The following RFC3 variants were observed in gnomAD, a reference collection of about 807,000 sequenced individuals.
RFC3 encodes replication factor C subunit 3, also known as A1 38 kDa subunit.
A neutral mutation model predicts 45.1 loss-of-function variants in RFC3; 41 were observed. That is an observed-to-expected ratio of 0.91 (90% confidence interval 0.71 to 1.18). RFC3 has a LOEUF of 1.18. Ranked by LOEUF, RFC3 falls within the 50% of genes most tolerant of loss-of-function variation. The pLI, the probability that RFC3 is intolerant of heterozygous loss-of-function variation, is 0.00. For synonymous variants in RFC3, 149 were observed against 144.0 expected (o/e 1.03, Z -0.25); for missense variants, 423 against 428.1 (o/e 0.99, Z 0.10).
chr13:33,954,531 T>C (rs9598378), intron 8 of RFC3, among the ~76,000 whole-genome samples: 2,333 of 152,324 alleles, frequency 0.015, 69 homozygotes, highest in African/African-American at 0.054. Flanking sequence ...TCATGAAGCC[T>C]GTCTTAGTTC....
At chr13:33,892,192 G>C (rs1182448142) in intron 8 of RFC3, among the ~76,000 whole-genome samples, 1 of 152,124 alleles carries the variant, frequency 6.6e-6, no homozygotes, top group Admixed American at 6.5e-5. Context: ...GAAATTTGCT[G>C]TTCCTTAGGG....
intron 8 of RFC3, among the ~76,000 whole-genome samples, chr13:33,857,169 T>C (rs2082313358): frequency 6.6e-6 from 1 of 152,226 alleles, no homozygotes; most frequent in Admixed American, 6.5e-5. Flanking sequence ...AAGGAAATTG[T>C]CTTCAAATAA....
At chr13:33,921,027 A>G (rs2082765496) in intron 8 of RFC3, among the ~76,000 whole-genome samples, 1 of 152,128 alleles carries the variant, frequency 6.6e-6, no homozygotes. Context: ...CATCCCCCAT[A>G]GATTAAACAA....
chr13:33,868,060 CCTT>C (rs1445371456), intron 8 of RFC3, among the ~76,000 whole-genome samples: 3 of 152,164 alleles, frequency 2.0e-5, no homozygotes, highest in African/African-American at 7.2e-5. Flanking sequence ...CTTAGGGTTG[CCTT>C]CCTTTGCTGG....
chr13:33,895,098 A>G (rs1280327159), intron 8 of RFC3, among the ~76,000 whole-genome samples: 10 of 152,102 alleles, frequency 6.6e-5, no homozygotes, highest in East Asian at 1.9e-4. Context: ...GCCTAGGCAA[A>G]TGATTCATGA....
downstream of RFC3, among the ~76,000 whole-genome samples, chr13:33,840,115 C>T (rs902668134): frequency 5.9e-5 from 9 of 152,240 alleles, no homozygotes; most frequent in East Asian, 3.9e-4. Flanking sequence ...TCTTGCTTTA[C>T]ACTACTTTGG....
At chr13:33,910,689 G>A (rs2082698699) in intron 8 of RFC3, among the ~76,000 whole-genome samples, 1 of 152,028 alleles carries the variant, frequency 6.6e-6, no homozygotes, top group Admixed American at 6.6e-5. Flanking sequence ...CTCGAGGTAG[G>A]TGTATTAGTC....
intron 8 of RFC3, among the ~76,000 whole-genome samples, chr13:33,891,176 A>T (rs903097199): frequency 3.3e-5 from 5 of 152,214 alleles, no homozygotes; most frequent in Non-Finnish European, 5.9e-5. Context: ...TGCTAAGTCT[A>T]ATATTAAATA....
intron 8 of RFC3, among the ~76,000 whole-genome samples, chr13:33,893,699 A>G (rs1346470897): frequency 2.0e-5 from 3 of 152,076 alleles, no homozygotes; most frequent in Admixed American, 2.0e-4. Flanking sequence ...TAAAAAAGAA[A>G]CAAAAATTTT....
At chr13:33,966,598 C>T (rs954193334), downstream of RFC3, 9 of 160,464 alleles carry the variant, frequency 5.6e-5, no homozygotes, top group East Asian at 1.8e-4. Context: ...TTTTTCTATG[C>T]ACATTGGTTT....
At chr13:33,930,998 G>A (rs2082848475) in intron 8 of RFC3, among the ~76,000 whole-genome samples, 1 of 151,802 alleles carries the variant, frequency 6.6e-6, no homozygotes, top group Non-Finnish European at 1.5e-5. Flanking sequence ...TTTTTTTAGT[G>A]ACAGCTTATG....
chr13:33,853,587 G>A (rs1220014735), intron 8 of RFC3, among the ~76,000 whole-genome samples: 2 of 152,158 alleles, frequency 1.3e-5, no homozygotes, highest in Admixed American at 1.3e-4. Flanking sequence ...AGGATACGCT[G>A]GAGGAAGAGA....
At chr13:33,834,642 C>A (rs974842067) in intron 7 of RFC3, among the ~76,000 whole-genome samples, 1 of 151,804 alleles carries the variant, frequency 6.6e-6, no homozygotes, top group South Asian at 2.1e-4. Context: ...ATATTTCATG[C>A]GTATATTATC....
At chr13:33,853,048 CAG>C (rs1466781791) in intron 8 of RFC3, among the ~76,000 whole-genome samples, 1 of 152,178 alleles carries the variant, frequency 6.6e-6, no homozygotes, top group Admixed American at 6.6e-5. Flanking sequence ...GCATGTATAA[CAG>C]AGCACTAGAG....
chr13:33,949,242 C>T (rs2082973816), intron 8 of RFC3, among the ~76,000 whole-genome samples: 1 of 152,110 alleles, frequency 6.6e-6, no homozygotes, highest in African/African-American at 2.4e-5. Context: ...CCCCCACTTG[C>T]ACTCATTCTC....
At chr13:33,951,865 G>C (rs966610888) in intron 8 of RFC3, among the ~76,000 whole-genome samples, 1 of 152,162 alleles carries the variant, frequency 6.6e-6, no homozygotes, top group Admixed American at 6.5e-5. Flanking sequence ...TCATGAAAGG[G>C]AAATATTATT....
intron 8 of RFC3, among the ~76,000 whole-genome samples, chr13:33,902,728 G>A (rs1317151983): frequency 6.6e-6 from 1 of 151,840 alleles, no homozygotes; most frequent in East Asian, 1.9e-4. Context: ...GCCCCTCTAT[G>A]TCTACTTTTG....
At chr13:33,931,627 A>G (rs1463563110) in intron 8 of RFC3, among the ~76,000 whole-genome samples, 2 of 134,852 alleles carry the variant, frequency 1.5e-5, no homozygotes, top group African/African-American at 6.3e-5. Context: ...TTCCTTGTGA[A>G]TGACTGCCTT....
chr13:33,965,625 A>G (rs2083083724), intron 8 of RFC3, among the ~76,000 whole-genome samples: 1 of 152,156 alleles, frequency 6.6e-6, no homozygotes, highest in African/African-American at 2.4e-5. Context: ...TATTATTGTT[A>G]TTGCATTTTT....
Sources: allele counts gnomAD v4.1 joint callset (sites outside exome capture counted in the v4.1 genomes callset), GRCh38; gene constraint gnomAD v4.1.1; transcripts MANE v1.5; gene names NCBI Gene and HGNC (gene_info 2026-07-23, HGNC 2026-07-21).